RPAP3: variants seen among roughly 807,000 people sequenced by gnomAD.
RPAP3 encodes the protein RNA polymerase II-associated protein 3.
RPAP3 carries 58 observed loss-of-function variants against 88.8 expected under a neutral mutation model. The observed-to-expected ratio is 0.65, with a 90% CI of 0.53 to 0.81. The LOEUF (loss-of-function observed/expected upper bound fraction) is 0.81. Ranked by LOEUF, RPAP3 falls within the 40% of genes least tolerant of loss-of-function variation. The probability of loss-of-function intolerance (pLI) is 0.00; values close to 1 mark genes in which losing one functional copy is unlikely to be tolerated. For missense variants in RPAP3, 751 were observed against 764.3 expected (o/e 0.98, Z 0.20); for synonymous variants, 255 against 259.9 (o/e 0.98, Z 0.18).
At chr12:47,686,539 T>TACACACACAC (rs776844694) in intron 9 of RPAP3, among the ~76,000 whole-genome samples, 1 of 73,410 alleles carries the variant, frequency 1.4e-5, no homozygotes, top group Non-Finnish European at 2.9e-5. Context: ...AACACACACA[T>TACACACACAC]ACACATACAC....
chr12:47,664,267 G>A (rs1425471430), intron 16 of RPAP3, among the ~76,000 whole-genome samples: 1 of 152,150 alleles, frequency 6.6e-6, no homozygotes, highest in African/African-American at 2.4e-5. Context: ...GCGGGCGCCT[G>A]TAGTCCCAGC....
intron 12 of RPAP3, among the ~76,000 whole-genome samples, chr12:47,675,977 T>C (rs4537844): frequency 0.2 from 30,117 of 152,060 alleles, 3,033 homozygotes; most frequent in African/African-American, 0.26. Flanking sequence ...TATTCCAAAA[T>C]TGACCACACA....
At chr12:47,665,192 A>C (rs1372027917) in intron 16 of RPAP3, among the ~76,000 whole-genome samples, 2 of 151,410 alleles carry the variant, frequency 1.3e-5, no homozygotes, top group African/African-American at 4.9e-5. Context: ...TCCTGGATTC[A>C]AGCGATTGAT....
chr12:47,675,039 A>C (rs2136615626), intron 12 of RPAP3, among the ~76,000 whole-genome samples: 1 of 152,362 alleles, frequency 6.6e-6, no homozygotes, highest in South Asian at 2.1e-4. Context: ...TCAGACTAAC[A>C]GCAGATCTCT....
chr12:47,703,506 A>C (rs1939699453), intron 1 of RPAP3, among the ~76,000 whole-genome samples: 1 of 152,214 alleles, frequency 6.6e-6, no homozygotes, highest in African/African-American at 2.4e-5. Flanking sequence ...CTGAGAGGTA[A>C]AATAACCCCT....
At chr12:47,673,207 C>T (rs982779491) in intron 12 of RPAP3, among the ~76,000 whole-genome samples, 15 of 151,932 alleles carry the variant, frequency 9.9e-5, no homozygotes, top group African/African-American at 3.6e-4. Flanking sequence ...CTTTGGGAGG[C>T]CAAGGTGGGC....
At chr12:47,682,196 A>C (rs763934649) in intron 9 of RPAP3, among the ~76,000 whole-genome samples, 6 of 152,230 alleles carry the variant, frequency 3.9e-5, no homozygotes, top group Non-Finnish European at 7.3e-5. Flanking sequence ...AACTTTATTA[A>C]CATTTACCCA....
intron 16 of RPAP3, 116 bp from the exon 17 acceptor site, chr12:47,663,706 TA>T (rs1392080474): frequency 1.8e-6 from 1 of 542,818 alleles, no homozygotes; most frequent in Non-Finnish European, 3.1e-6. Context: ...AAGCAATACA[TA>T]GGTTTATAAA....
intron 3 of RPAP3, among the ~76,000 whole-genome samples, chr12:47,700,721 G>A (rs1350655469): frequency 1.3e-5 from 2 of 152,190 alleles, no homozygotes; most frequent in Non-Finnish European, 2.9e-5. Flanking sequence ...GGAGATGGGA[G>A]GACACATATC....
chr12:47,668,791 A>T, intron 14 of RPAP3, 125 bp downstream of exon 14: 1 of 677,904 alleles, frequency 1.5e-6, no homozygotes, highest in Admixed American at 2.7e-5. Context: ...GACCAGGGTG[A>T]TGTATTCTAC....
chr12:47,692,530 A>G (rs1189499115), intron 5 of RPAP3, among the ~76,000 whole-genome samples: 1 of 152,174 alleles, frequency 6.6e-6, no homozygotes, highest in Non-Finnish European at 1.5e-5. Context: ...AACCTTCACT[A>G]AATTGAAGAG....
chr12:47,665,671 C>T (rs1938859392), intron 16 of RPAP3, among the ~76,000 whole-genome samples: 1 of 151,664 alleles, frequency 6.6e-6, no homozygotes, highest in Admixed American at 6.6e-5. Flanking sequence ...GACAGAGTCT[C>T]ACTCTGTTGC....
intron 3 of RPAP3, chr12:47,700,087 G>C (rs12229949): frequency 6.7e-6 from 1 of 148,386 alleles, no homozygotes; most frequent in East Asian, 2.0e-4. Context: ...TCCGCCTCCC[G>C]GGTTCAAGCC....
intron 12 of RPAP3, among the ~76,000 whole-genome samples, chr12:47,672,014 A>G (rs1459602935): frequency 4.6e-5 from 7 of 152,168 alleles, no homozygotes; most frequent in Non-Finnish European, 8.8e-5. Flanking sequence ...AGAGAGAGAG[A>G]GAAGAACAAA....
At chr12:47,693,719 A>G (rs567225684) in intron 5 of RPAP3, among the ~76,000 whole-genome samples, 63 of 152,372 alleles carry the variant, frequency 4.1e-4, no homozygotes, top group African/African-American at 1.5e-3. Context: ...AAAGAAACAC[A>G]AGGACTAGAA....
chr12:47,686,747 C>G (rs374652062), intron 9 of RPAP3, 33 bp downstream of exon 9: 1 of 1,424,592 alleles, frequency 7.0e-7, no homozygotes, highest in East Asian at 2.6e-5. Context: ...AAATTTTTAT[C>G]CTGAACAGCA....
At position 47,667,783 on chromosome 12, in the gene RPAP3, G is replaced by C. The variant is rs748155493; in HGVS notation, c.1782C>G (p.Ile594Met). The change falls in exon 15 of 17, where the codon ATC becomes ATG. Residue 594 changes from isoleucine (I) to methionine (M), a missense_variant. Transcript: ENST00000005386. ...TGTAAAAGTCATGCAGAATTTTAACGATCTGGTTGAATACATCTGGATCCA... is the reference window on the plus strand; with the variant it reads ...TGTAAAAGTCATGCAGAATTTTAACCATCTGGTTGAATACATCTGGATCCA... ...KNLDPDVFNQ[I>M]VKILHDFYIE... The C allele has an allele frequency of 1.3e-6, 2 of 1,597,312 alleles. No individual in the cohort carries two copies. Among genetic ancestry groups the C allele is most frequent in the African/African-American group, 1.3e-5 (1 of 74,410 alleles).
intron 9 of RPAP3, among the ~76,000 whole-genome samples, chr12:47,682,765 G>T (rs1828295917): frequency 6.6e-6 from 1 of 151,128 alleles, no homozygotes; most frequent in South Asian, 2.1e-4. Context: ...AATCTCATAT[G>T]AAAAAAATCA....
In RPAP3 at chr12:47,696,443, C is replaced by A. The variant is rs1939529250; in HGVS notation, c.418-40G>T. 2.1e-6 allele frequency: 3 copies of A among 1,454,390 alleles called. No individual in the cohort carries two copies. In the African/African-American group the frequency reaches 4.3e-5, roughly 21 times the overall value. 90.1% of individuals were successfully genotyped at this position (1,454,390 alleles called of 1,614,324 possible). ...TATAAAATGATCTTTTTTACAAATTCTGAAATTCACTACAGTTGACCCTTG... is the reference window on the plus strand; with the variant it reads ...TATAAAATGATCTTTTTTACAAATTATGAAATTCACTACAGTTGACCCTTG... On this transcript the variant is annotated intron_variant, in intron 4 of 16. Coordinates refer to ENST00000005386, the MANE Select transcript of RPAP3 (RefSeq NM_024604.3).
Sources: allele counts gnomAD v4.1 joint callset (sites outside exome capture counted in the v4.1 genomes callset), GRCh38; gene constraint gnomAD v4.1.1; transcripts MANE v1.5; gene names NCBI Gene and HGNC (gene_info 2026-07-23, HGNC 2026-07-21).